Variants in CCSER1 observed in about 807,000 individuals in gnomAD.
CCSER1 encodes the protein coiled-coil serine rich protein 1.
CCSER1 carries 41 observed loss-of-function variants against 82.0 expected under a neutral mutation model. The observed-to-expected ratio is 0.50, with a 90% CI of 0.39 to 0.65. The LOEUF (loss-of-function observed/expected upper bound fraction) is 0.65, where lower values mean the gene tolerates loss of function less well. CCSER1 is among the 30% of genes least tolerant of loss of function. The pLI is 0.00. For missense variants in CCSER1, 1,119 were observed against 1,064.2 expected, an observed-to-expected ratio of 1.05 and a Z score of -0.72; for synonymous variants, 414 against 383.9, an observed-to-expected ratio of 1.08 and a Z score of -0.92.
intron 10 of CCSER1, among the ~76,000 whole-genome samples, chr4:91,398,922 G>T (rs1044841895): frequency 1.3e-5 from 2 of 151,894 alleles, no homozygotes; most frequent in African/African-American, 4.8e-5. Context: ...TGTTTGAGGA[G>T]CACTAGTCCA....
At chr4:90,838,954 T>A (rs1580719740) in intron 8 of CCSER1, 1 of 1,613,254 alleles carries the variant, frequency 6.2e-7, no homozygotes. Flanking sequence ...TGGAAGGCAG[T>A]GGATTTTTCT....
chr4:90,400,911 T>G (rs565985386), intron 4 of CCSER1, among the ~76,000 whole-genome samples: 1,872 of 152,286 alleles, frequency 0.012, 35 homozygotes, highest in African/African-American at 0.043. Flanking sequence ...ACTAAAGCTT[T>G]AGAACGTTGG....
intron 5 of CCSER1, among the ~76,000 whole-genome samples, chr4:90,551,935 G>A (rs910644495): frequency 6.6e-6 from 1 of 152,040 alleles, no homozygotes; most frequent in Non-Finnish European, 1.5e-5. Context: ...GGCAGGTTTG[G>A]TTGTCTGCTG....
chr4:90,952,758 CTGTGACAAGT>C (rs2150357533), intron 9 of CCSER1, among the ~76,000 whole-genome samples: 1 of 152,062 alleles, frequency 6.6e-6, no homozygotes, highest in East Asian at 1.9e-4. Flanking sequence ...CCTCACTTTC[CTGTGACAAGT>C]TTTGACCAAG....
Position 90,500,234 on chromosome 4 carries a change from G to T in CCSER1, c.1724+31880G>T, listed in dbSNP as rs187796919. 2.9e-3 allele frequency among the ~76,000 whole-genome samples: 442 copies of T among 151,794 alleles called. 3 individuals carry two copies. Among genetic ancestry groups the T allele is most frequent in the Non-Finnish European group, 4.3e-3 (289 of 67,948 alleles). On this transcript the variant is annotated intron_variant, in intron 5 of 10. Transcript: ENST00000509176. Reference sequence around the variant, plus strand: ...TATTATTTTGAAGCCCCAGATAGTTGATCTGTGTTTTGAATTACCCACAGT... The same window carrying T: ...TATTATTTTGAAGCCCCAGATAGTTTATCTGTGTTTTGAATTACCCACAGT...
chr4:90,204,956 T>C (rs1738511216), intron 1 of CCSER1, among the ~76,000 whole-genome samples: 2 of 152,190 alleles, frequency 1.3e-5, no homozygotes, highest in South Asian at 4.1e-4. Context: ...TTTGTAGCAA[T>C]TGGTGAATGG....
intron 10 of CCSER1, among the ~76,000 whole-genome samples, chr4:91,189,199 A>G (rs1734809078): frequency 6.6e-6 from 1 of 152,146 alleles, no homozygotes; most frequent in African/African-American, 2.4e-5. Flanking sequence ...TTAGCTCAAT[A>G]TCAGGTCATT....
intron 1 of CCSER1, among the ~76,000 whole-genome samples, chr4:90,154,433 G>C (rs1352210315): frequency 2.0e-5 from 3 of 152,158 alleles, no homozygotes; most frequent in Admixed American, 2.0e-4. Flanking sequence ...TTGGTAGCTT[G>C]ATGGGGATGG....
chr4:90,267,865 C>G (rs1228610768), intron 1 of CCSER1, among the ~76,000 whole-genome samples: 1 of 152,120 alleles, frequency 6.6e-6, no homozygotes, highest in East Asian at 1.9e-4. Context: ...GAAAACCTTC[C>G]CAAGAAGGGT....
At chr4:90,975,332 A>C (rs1177393187) in intron 9 of CCSER1, among the ~76,000 whole-genome samples, 1 of 151,362 alleles carries the variant, frequency 6.6e-6, no homozygotes, top group Admixed American at 6.6e-5. Context: ...GAAACACAGA[A>C]TTGTATAATT....
intron 5 of CCSER1, among the ~76,000 whole-genome samples, chr4:90,611,492 C>T (rs1235789185): frequency 1.3e-5 from 2 of 151,504 alleles, no homozygotes; most frequent in East Asian, 3.9e-4. Context: ...TAAAATGATC[C>T]CAGGGGTAGA....
chr4:90,765,088 C>T (rs1434098334), intron 7 of CCSER1, among the ~76,000 whole-genome samples: 1 of 148,430 alleles, frequency 6.7e-6, no homozygotes, highest in Non-Finnish European at 1.5e-5. Flanking sequence ...TGCCTCCATC[C>T]AAGTTTCCTT....
At chr4:90,230,622 A>G (rs1744294107) in intron 1 of CCSER1, among the ~76,000 whole-genome samples, 1 of 150,988 alleles carries the variant, frequency 6.6e-6, no homozygotes, top group African/African-American at 2.4e-5. Flanking sequence ...AACTAAAATC[A>G]GAGCAGAACT....
intron 4 of CCSER1, among the ~76,000 whole-genome samples, chr4:90,439,790 T>C (rs1420513324): frequency 6.6e-6 from 1 of 152,188 alleles, no homozygotes; most frequent in Non-Finnish European, 1.5e-5. Context: ...AGGAATGAGT[T>C]TGGGGATAGC....
chr4:91,218,902 G>A (rs546121430), intron 10 of CCSER1, among the ~76,000 whole-genome samples: 1 of 152,262 alleles, frequency 6.6e-6, no homozygotes, highest in South Asian at 2.1e-4. Flanking sequence ...TTGACGTAAT[G>A]TCAACACTAA....
chr4:91,377,341 G>T lies in CCSER1; in HGVS notation c.2218-221231G>T, dbSNP rs539867508. ...AATCGCCACACTGTCTTCCACAATG[G>T]TTGAACTAGTTTACAGTCCCACCAA... On this transcript the variant is annotated intron_variant, in intron 10 of 10. Transcript: ENST00000509176. 2.6e-5 allele frequency among the ~76,000 whole-genome samples: 4 copies of T among 152,232 alleles called. No homozygotes were observed. In the South Asian group the frequency reaches 6.2e-4, roughly 24 times the overall value.
intron 6 of CCSER1, among the ~76,000 whole-genome samples, chr4:90,716,954 C>T (rs1211715449): frequency 6.6e-6 from 1 of 152,154 alleles, no homozygotes; most frequent in East Asian, 1.9e-4. Context: ...TAGTGTATTT[C>T]TTGCCATTTC....
intron 3 of CCSER1, among the ~76,000 whole-genome samples, chr4:90,347,743 G>T (rs1742635461): frequency 6.6e-6 from 1 of 152,116 alleles, no homozygotes; most frequent in Admixed American, 6.6e-5. Flanking sequence ...AAGAGGGAAA[G>T]AAAGAAGGGA....
At chr4:90,363,537 A>G (rs1231958725) in intron 3 of CCSER1, among the ~76,000 whole-genome samples, 5 of 152,092 alleles carry the variant, frequency 3.3e-5, no homozygotes, top group Non-Finnish European at 1.5e-5. Context: ...TTATTCTAAA[A>G]AGACTACTTA....
Sources: gnomAD v4.1 joint callset for allele counts (sites outside exome capture counted in the v4.1 genomes callset) on GRCh38, gnomAD v4.1.1 for gene constraint, MANE v1.5 for transcripts, NCBI Gene and HGNC (gene_info 2026-07-23, HGNC 2026-07-21) for gene names.